Variants in IBTK observed in about 807,000 individuals in gnomAD.
IBTK encodes inhibitor of Bruton tyrosine kinase.
Under a neutral mutation model 154.9 loss-of-function variants are expected in IBTK, and 83 were observed. That is an observed-to-expected ratio of 0.54 (90% confidence interval 0.45 to 0.64). The LOEUF is 0.64. Among genes scored for constraint, IBTK ranks in the 30% least tolerant of loss-of-function variants. IBTK has a pLI of 0.00. For synonymous variants in IBTK, 515 were observed against 536.1 expected (o/e 0.96, Z 0.54); for missense variants, 1,332 against 1,584.6 (o/e 0.84, Z 2.71).
chr6:82,174,163 T>C (rs1192411765), intron 26 of IBTK, among the ~76,000 whole-genome samples: 1 of 152,070 alleles, frequency 6.6e-6, no homozygotes, highest in African/African-American at 2.4e-5. Flanking sequence ...CTAGACAGGT[T>C]TAACAACACA....
At chr6:82,179,403 A>C (rs982356786) in intron 26 of IBTK, among the ~76,000 whole-genome samples, 2 of 152,236 alleles carry the variant, frequency 1.3e-5, no homozygotes, top group Non-Finnish European at 2.9e-5. Flanking sequence ...ACATCCAGAT[A>C]GAATGGTAGG....
chr6:82,174,194 T>G (rs1208994569), intron 26 of IBTK, among the ~76,000 whole-genome samples: 2 of 152,068 alleles, frequency 1.3e-5, no homozygotes, highest in Non-Finnish European at 2.9e-5. Context: ...GAGAGTAAAT[T>G]AACAGGACCT....
chr6:82,224,092 T>C lies in IBTK; in HGVS notation c.919A>G (p.Met307Val), dbSNP rs768073775. Residue 307 changes from methionine to valine, a missense_variant, in exon 7 of 29, where the codon ATG becomes GTG. Physicochemically the swap from Met to Val is conservative, Grantham distance 21 (BLOSUM62 1). This residue lies in a region of IBTK where 1,134 missense variants were observed against 1,274.7 expected (regional missense o/e 0.89). Transcript: ENST00000306270. ...CCCAGTTGTCCACCATTTAGTCCCA[T>C]AGTGTAAACAGCTTCTCTAGTCCAT... is the stretch of plus-strand genomic sequence containing the variant. ...VLWTREAVYT[M>V]GLNGGQLGCL... The C allele has an allele frequency of 4.9e-5, 79 of 1,603,556 alleles. No individual in the cohort carries two copies. The highest frequency in any genetic ancestry group is 6.7e-5 in the East Asian group (3 of 44,810).
intron 1 of IBTK, 113 bp downstream of exon 1, chr6:82,247,449 C>A (rs1771198224): frequency 2.5e-6 from 1 of 396,372 alleles, no homozygotes; most frequent in Non-Finnish European, 4.4e-6. Flanking sequence ...ACGGTCCCCC[C>A]GCGCCGCCGT....
chr6:82,188,165 G>C (rs1452536459), intron 25 of IBTK, among the ~76,000 whole-genome samples: 2 of 152,112 alleles, frequency 1.3e-5, no homozygotes, highest in African/African-American at 2.4e-5. Flanking sequence ...CAGTCTATTT[G>C]TACAACATAG....
At chr6:82,206,575 TGAA>T (rs1769422377) in intron 16 of IBTK, among the ~76,000 whole-genome samples, 1 of 152,114 alleles carries the variant, frequency 6.6e-6, no homozygotes. Context: ...AAGTAGAAGA[TGAA>T]GAACACTTCC....
chr6:82,188,917 C>A, intron 25 of IBTK: 2 of 278,630 alleles, frequency 7.2e-6, no homozygotes, highest in Non-Finnish European at 1.4e-5. Flanking sequence ...GTAATCCTAG[C>A]TATTCAGGAG....
chr6:82,211,550 T>C lies in IBTK; in HGVS notation c.2314A>G (p.Met772Val). Residue 772 changes from methionine to valine, a missense_variant, in exon 14 of 29, where the codon ATG becomes GTG. Coordinates refer to ENST00000306270, the MANE Select transcript of IBTK (RefSeq NM_015525.4). ...AATTCCTTTCCATCCACTGATTTCA[T>C]GGTCACGTCACACAGAAATGAACTG... ...KKCSFLCDVT[M>V]KSVDGKEFPC... 2 of 1,613,690 alleles carry C rather than the reference T, an allele frequency of 1.2e-6. No individual in the cohort carries two copies. The highest frequency in any genetic ancestry group is 1.7e-6 in the Non-Finnish European group (2 of 1,179,634).
intron 9 of IBTK, 151 bp downstream of exon 9, chr6:82,220,439 A>G (rs1477208008): frequency 1.5e-6 from 1 of 649,536 alleles, no homozygotes; most frequent in African/African-American, 1.9e-5. Context: ...TTAGTAATGG[A>G]TGTCTAAAAC....
intron 16 of IBTK, chr6:82,205,769 A>G (rs1249221530): frequency 6.6e-6 from 1 of 152,298 alleles, no homozygotes. Flanking sequence ...CCATCTCAAA[A>G]AAATAAAAAA....
chr6:82,181,774 A>G, intron 26 of IBTK, 105 bp downstream of exon 26: 6 of 741,984 alleles, frequency 8.1e-6, no homozygotes, highest in Non-Finnish European at 1.2e-5. Context: ...AAAAGAGTGT[A>G]CAAAAAATCT....
At chr6:82,216,339 G>C (rs1769874127) in intron 10 of IBTK, 89 bp from the exon 11 acceptor site, 1 of 796,996 alleles carries the variant, frequency 1.3e-6, no homozygotes, top group Non-Finnish European at 2.0e-6. Context: ...AAAGGAGTTA[G>C]AAAAATATGG....
chr6:82,236,183 T>G (rs1770707683), intron 2 of IBTK, among the ~76,000 whole-genome samples: 1 of 152,168 alleles, frequency 6.6e-6, no homozygotes, highest in Admixed American at 6.5e-5. Flanking sequence ...CATTGTTCAT[T>G]AATTTAATTG....
At chr6:82,231,053 G>T (rs1010467535) in intron 4 of IBTK, among the ~76,000 whole-genome samples, 5 of 152,090 alleles carry the variant, frequency 3.3e-5, no homozygotes, top group Admixed American at 3.3e-4. Flanking sequence ...TCCAAACTGA[G>T]AACTGAGACT....
At chr6:82,234,286 T>A in intron 2 of IBTK, 31 bp from the exon 3 acceptor site, 1 of 788,146 alleles carries the variant, frequency 1.3e-6, no homozygotes, top group South Asian at 2.9e-5. Context: ...AATACATAAA[T>A]ATATATATAT....
intron 20 of IBTK, 87 bp downstream of exon 20, chr6:82,200,500 A>G (rs1052019498): frequency 3.4e-6 from 4 of 1,188,446 alleles, no homozygotes; most frequent in Non-Finnish European, 3.4e-6. Flanking sequence ...CAAAAGTGTC[A>G]TATGTCCAAG....
Position 82,240,373 on chromosome 6 carries a change from G to A in IBTK, c.114C>T (p.Ser38=). ...GSENQIKAFL[S]SHCYNAATIK... ...TAGTTGCAGCATTGTAACAATGACTGGAGAGAAAGGCCTTAATCTGGTTTT... is the reference window on the plus strand; with the variant it reads ...TAGTTGCAGCATTGTAACAATGACTAGAGAGAAAGGCCTTAATCTGGTTTT... The change falls in exon 2 of 29, where the codon TCC becomes TCT. Residue 38 remains serine, a synonymous_variant. Coordinates refer to ENST00000306270, the MANE Select transcript of IBTK (RefSeq NM_015525.4). 1.9e-6 allele frequency: 3 copies of A among 1,614,178 alleles called. No homozygotes were observed. Among genetic ancestry groups the A allele is most frequent in the Non-Finnish European group, 2.5e-6 (3 of 1,180,038 alleles).
At chr6:82,244,624 T>C (rs547922267) in intron 1 of IBTK, among the ~76,000 whole-genome samples, 1 of 152,340 alleles carries the variant, frequency 6.6e-6, no homozygotes, top group South Asian at 2.1e-4. Context: ...TACACATGAT[T>C]ATAAATCCCC....
At chr6:82,229,276 C>G (rs1213964841) in intron 4 of IBTK, among the ~76,000 whole-genome samples, 1 of 152,124 alleles carries the variant, frequency 6.6e-6, no homozygotes, top group Non-Finnish European at 1.5e-5. Context: ...ATGTGGCTTT[C>G]TCTTTGAGTA....
Sources: allele counts gnomAD v4.1 joint callset (sites outside exome capture counted in the v4.1 genomes callset), GRCh38; gene constraint gnomAD v4.1.1; regional missense constraint gnomAD v4.1.1; transcripts MANE v1.5; gene names NCBI Gene and HGNC (gene_info 2026-07-23, HGNC 2026-07-21).